The following NIBAN1 variants were observed in gnomAD, a reference collection of about 807,000 sequenced individuals.
NIBAN1 encodes niban apoptosis regulator 1, also known as protein Niban 1.
Under a neutral mutation model 75.1 loss-of-function variants are expected in NIBAN1, and 81 were observed. The ratio of observed to expected loss-of-function variants is 1.08; its 90% CI spans 0.90 to 1.30. NIBAN1 has a LOEUF of 1.30. Among genes scored for constraint, NIBAN1 ranks in the 50% most tolerant of loss-of-function variants. NIBAN1 has a pLI of 0.00. For synonymous variants in NIBAN1, 436 were observed against 424.8 expected, an observed-to-expected ratio of 1.03 and a Z score of -0.32; for missense variants, 1,133 against 1,128.1, an observed-to-expected ratio of 1.00 and a Z score of -0.06.
chr1:184,931,696 T>G (rs1011074890), intron 1 of NIBAN1, among the ~76,000 whole-genome samples: 13 of 152,168 alleles, frequency 8.5e-5, no homozygotes, highest in Non-Finnish European at 1.9e-4. Context: ...TACACAGACA[T>G]GTGCAAAGAA....
chr1:184,838,775 T>C (rs954375240), intron 5 of NIBAN1, among the ~76,000 whole-genome samples: 1 of 152,208 alleles, frequency 6.6e-6, no homozygotes, highest in African/African-American at 2.4e-5. Context: ...CCTCTGGCTG[T>C]GGTGTTGGGA....
intron 1 of NIBAN1, among the ~76,000 whole-genome samples, chr1:184,930,997 CTTTT>C (rs200932673): frequency 8.7e-6 from 1 of 114,556 alleles, no homozygotes. Context: ...TTTTCTTCTT[CTTTT>C]TTTTTTTTTT....
Position 184,890,013 on chromosome 1 carries a change from G to C in NIBAN1, c.433+95C>G, listed in dbSNP as rs1401300384. ...TCTCCAGATGCTGCCAAATGTCCCTGGAGGGAAATCCCTCTCCTTCACAGA... is the reference window on the plus strand; with the variant it reads ...TCTCCAGATGCTGCCAAATGTCCCTCGAGGGAAATCCCTCTCCTTCACAGA... On this transcript the variant is annotated intron_variant, in intron 4 of 13. Transcript: ENST00000367511. 4 of 953,346 alleles carry C rather than the reference G, an allele frequency of 4.2e-6. No homozygotes were observed. In the African/African-American group the frequency reaches 6.5e-5, roughly 16 times the overall value. 59.1% of individuals were successfully genotyped at this position (953,346 alleles called of 1,614,324 possible). A position where few individuals can be genotyped will look rare whatever the true frequency, so the allele number is the denominator to read the frequency against.
At chr1:184,813,847 C>T (rs2102207269) in intron 9 of NIBAN1, among the ~76,000 whole-genome samples, 1 of 152,264 alleles carries the variant, frequency 6.6e-6, no homozygotes, top group South Asian at 2.1e-4. Context: ...TAAGTCATAC[C>T]TTATCTGCAT....
intron 2 of NIBAN1, among the ~76,000 whole-genome samples, chr1:184,896,521 T>C (rs1313762835): frequency 6.6e-6 from 1 of 152,186 alleles, no homozygotes; most frequent in Non-Finnish European, 1.5e-5. Flanking sequence ...ACTATTTCTT[T>C]TTTGTGTATA....
chr1:184,821,767 A>G (rs1654708829), intron 8 of NIBAN1, among the ~76,000 whole-genome samples: 1 of 152,212 alleles, frequency 6.6e-6, no homozygotes, highest in Admixed American at 6.5e-5. Context: ...GATTAGTTGT[A>G]CTAATGGAGG....
chr1:184,861,434 C>T (rs1000136654), intron 5 of NIBAN1, among the ~76,000 whole-genome samples: 1 of 151,754 alleles, frequency 6.6e-6, no homozygotes, highest in Non-Finnish European at 1.5e-5. Context: ...ACTGTCAGCA[C>T]TTAGCAAGGG....
At chr1:184,835,024 G>T (rs888040046) in intron 5 of NIBAN1, among the ~76,000 whole-genome samples, 2 of 152,130 alleles carry the variant, frequency 1.3e-5, no homozygotes, top group African/African-American at 4.8e-5. Context: ...TTTCTATAAG[G>T]TGTAAGGAGG....
chr1:184,923,279 G>A (rs964794640), intron 1 of NIBAN1, among the ~76,000 whole-genome samples: 3 of 152,092 alleles, frequency 2.0e-5, no homozygotes, highest in Non-Finnish European at 2.9e-5. Context: ...ATTCTTCTGC[G>A]TATGGACCTC....
At chr1:184,813,602 C>T (rs1654443817) in intron 9 of NIBAN1, among the ~76,000 whole-genome samples, 1 of 151,970 alleles carries the variant, frequency 6.6e-6, no homozygotes, top group South Asian at 2.1e-4. Context: ...AAATTATTGT[C>T]CTAAAGTAAA....
chr1:184,826,620 A>T (rs1654847897), intron 6 of NIBAN1, among the ~76,000 whole-genome samples: 6 of 152,210 alleles, frequency 3.9e-5, no homozygotes, highest in Admixed American at 3.9e-4. Flanking sequence ...GAATTGTCCC[A>T]ATTCATCCTT....
chr1:184,909,584 T>C (rs1401309594), intron 1 of NIBAN1, among the ~76,000 whole-genome samples: 1 of 152,184 alleles, frequency 6.6e-6, no homozygotes, highest in African/African-American at 2.4e-5. Flanking sequence ...CGTTCAACAT[T>C]TCTGTAGCCA....
chr1:184,807,113 A>G (rs546909963), intron 10 of NIBAN1, among the ~76,000 whole-genome samples: 5 of 152,248 alleles, frequency 3.3e-5, no homozygotes, highest in Non-Finnish European at 5.9e-5. Context: ...TAGTGAATTT[A>G]TCTAAGAATT....
Position 184,930,997 on chromosome 1 carries a change from C to CTTT in NIBAN1, c.56-31691_56-31689dup, listed in dbSNP as rs200932673. Reference sequence around the variant, plus strand: ...GTTTCTAAGTGCACTTTTTCTTCTTCTTTTTTTTTTTTTTTTTTTTGAGAC... The same window carrying CTTT: ...GTTTCTAAGTGCACTTTTTCTTCTTCTTTTTTTTTTTTTTTTTTTTTTTGAGAC... On this transcript the variant is annotated intron_variant, in intron 1 of 13. Transcript: ENST00000367511. Among the ~76,000 whole-genome samples, 151 of 114,486 alleles carry CTTT rather than the reference C, an allele frequency of 1.3e-3. 2 individuals carry two copies. The highest frequency in any genetic ancestry group is 1.7e-3 in the East Asian group (7 of 4,090). The allele number at this position is 114,486 out of a possible 152,430, so 75.1% of individuals were successfully genotyped here.
At position 184,791,756 on chromosome 1, in the gene NIBAN1, G is replaced by A. The variant is rs764397058; in HGVS notation, c.*3221C>T. ...AACAGAGGCTAAGGAAAAAAATGCT[G>A]TTCATTTAGATCAGAATAACCTCGC... is the stretch of plus-strand genomic sequence containing the variant. On this transcript the variant is annotated 3_prime_UTR_variant, in exon 14 of 14. Coordinates refer to ENST00000367511, the MANE Select transcript of NIBAN1 (RefSeq NM_052966.4). 1 of 152,020 alleles carries A rather than the reference G, an allele frequency of 6.6e-6. No individual in the cohort carries two copies. The highest frequency in any genetic ancestry group is 1.9e-4 in the East Asian group (1 of 5,184). 9.4% of individuals were successfully genotyped at this position (152,020 alleles called of 1,614,324 possible).
At chr1:184,944,972 C>T (rs1658184630) in intron 1 of NIBAN1, among the ~76,000 whole-genome samples, 1 of 151,712 alleles carries the variant, frequency 6.6e-6, no homozygotes, top group African/African-American at 2.4e-5. Flanking sequence ...CAGAGGCATT[C>T]GAAAAAGAAT....
At chr1:184,946,458 T>A (rs772274715) in intron 1 of NIBAN1, among the ~76,000 whole-genome samples, 13 of 152,164 alleles carry the variant, frequency 8.5e-5, no homozygotes, top group Admixed American at 2.0e-4. Context: ...CAATTGTAGA[T>A]CTGATTCTCA....
Position 184,795,904 on chromosome 1 carries a change from C to G in NIBAN1, c.1860G>C (p.Gln620His). 1 of 1,614,042 alleles carries G rather than the reference C, an allele frequency of 6.2e-7. No homozygotes were observed. Among genetic ancestry groups the G allele is most frequent in the Non-Finnish European group, 8.5e-7 (1 of 1,179,980 alleles). Residue 620 changes from glutamine to histidine, a missense_variant, in exon 14 of 14, where the codon CAG becomes CAC. Physicochemically the swap from Gln to His is conservative, Grantham distance 24. Coordinates refer to ENST00000367511, the MANE Select transcript of NIBAN1 (RefSeq NM_052966.4). ...GSETLSNEVF[Q>H]ESEEEKQPEV... ...CAGGCTGCTTCTCTTCCTCTGACTCCTGGAATACTTCGTTACTGAGGGTCT... is the reference window on the plus strand; with the variant it reads ...CAGGCTGCTTCTCTTCCTCTGACTCGTGGAATACTTCGTTACTGAGGGTCT...
chr1:184,869,687 G>C (rs754324384), intron 5 of NIBAN1, among the ~76,000 whole-genome samples: 37 of 151,738 alleles, frequency 2.4e-4, no homozygotes, highest in Non-Finnish European at 4.9e-4. Flanking sequence ...GATTACAGTT[G>C]TGCGCCACCA....
Sources: allele counts gnomAD v4.1 joint callset (sites outside exome capture counted in the v4.1 genomes callset), GRCh38; gene constraint gnomAD v4.1.1; transcripts MANE v1.5; gene names NCBI Gene and HGNC (gene_info 2026-07-23, HGNC 2026-07-21).